FRMPD2: variants seen among roughly 807,000 people sequenced by gnomAD.
FRMPD2 encodes FERM and PDZ domain-containing protein 2.
In FRMPD2, 96 loss-of-function variants were observed where a neutral mutation model predicts 140.1. That is an observed-to-expected ratio of 0.69 (90% CI 0.58 to 0.81). The LOEUF (loss-of-function observed/expected upper bound fraction) is 0.81, where lower values mean the gene tolerates loss of function less well. Among genes scored for constraint, FRMPD2 ranks in the 40% least tolerant of loss-of-function variants. FRMPD2 has a pLI of 0.00. For missense variants in FRMPD2, 1,240 were observed against 1,447.4 expected, an observed-to-expected ratio of 0.86 and a Z score of 2.32; for synonymous variants, 449 against 547.6, an observed-to-expected ratio of 0.82 and a Z score of 2.52.
intron 15 of FRMPD2, among the ~76,000 whole-genome samples, chr10:48,200,197 T>TAAAAA (rs201140091): frequency 3.6e-5 from 5 of 139,628 alleles, no homozygotes; most frequent in South Asian, 2.3e-4. Flanking sequence ...AATAAATAAA[T>TAAAAA]AAAACAGAGC....
intron 1 of FRMPD2, among the ~76,000 whole-genome samples, chr10:48,254,808 G>A (rs1840456325): frequency 6.6e-6 from 1 of 152,184 alleles, no homozygotes; most frequent in Non-Finnish European, 1.5e-5. Flanking sequence ...TACGCTCTTG[G>A]TCTCAGAGGC....
chr10:48,226,583 TA>T (rs1839726427), intron 10 of FRMPD2, among the ~76,000 whole-genome samples: 1 of 152,236 alleles, frequency 6.6e-6, no homozygotes, highest in Non-Finnish European at 1.5e-5. Flanking sequence ...TGTTATTTCT[TA>T]AAGAAGATGA....
intron 9 of FRMPD2, among the ~76,000 whole-genome samples, chr10:48,233,057 T>C (rs912326675): frequency 7.9e-5 from 12 of 152,188 alleles, no homozygotes; most frequent in African/African-American, 2.2e-4. Context: ...AGCCCTTGTC[T>C]GTGGCTCTTC....
chr10:48,245,028 T>C (rs1840212256), intron 3 of FRMPD2, among the ~76,000 whole-genome samples, 179 bp from the exon 4 acceptor site: 2 of 152,152 alleles, frequency 1.3e-5, no homozygotes, highest in Non-Finnish European at 1.5e-5. Flanking sequence ...AGCCAGAAAT[T>C]TGCTTTCTAG....
At chr10:48,159,267 G>C (rs536187792) in intron 28 of FRMPD2, 1 of 454,998 alleles carries the variant, frequency 2.2e-6, no homozygotes, top group Non-Finnish European at 4.4e-6. Flanking sequence ...CAAGTTCAAC[G>C]GACTGCCAGA....
intron 12 of FRMPD2, among the ~76,000 whole-genome samples, chr10:48,214,428 G>T (rs1839398459): frequency 6.6e-6 from 1 of 152,176 alleles, no homozygotes; most frequent in Non-Finnish European, 1.5e-5. Flanking sequence ...TGAGCTCTCA[G>T]TGGTAATGGT....
intron 3 of FRMPD2, among the ~76,000 whole-genome samples, chr10:48,245,891 C>T (rs1224693466): frequency 1.3e-5 from 2 of 152,186 alleles, no homozygotes; most frequent in Non-Finnish European, 2.9e-5. Context: ...TAAAAACACA[C>T]AGTTATTTGA....
At chr10:48,200,982 T>C (rs112193599) in intron 15 of FRMPD2, among the ~76,000 whole-genome samples, 25 of 152,356 alleles carry the variant, frequency 1.6e-4, no homozygotes, top group African/African-American at 5.5e-4. Flanking sequence ...TTTAAGGCTT[T>C]TGATGTATAT....
intron 15 of FRMPD2, among the ~76,000 whole-genome samples, chr10:48,198,608 T>C (rs1052668576): frequency 2.0e-5 from 3 of 152,234 alleles, no homozygotes; most frequent in Admixed American, 2.0e-4. Flanking sequence ...TTTCTAATTC[T>C]GTGAAGAATG....
At chr10:48,158,153 T>C (rs1837835381) in intron 28 of FRMPD2, among the ~76,000 whole-genome samples, 1 of 151,372 alleles carries the variant, frequency 6.6e-6, no homozygotes, top group Non-Finnish European at 1.5e-5. Context: ...GCCATCAGCC[T>C]GAGAGGCAAG....
intron 12 of FRMPD2, among the ~76,000 whole-genome samples, chr10:48,215,990 C>G (rs1462919601): frequency 6.6e-6 from 1 of 152,230 alleles, no homozygotes; most frequent in African/African-American, 2.4e-5. Flanking sequence ...CTCATTCAAT[C>G]TGTTGAAGGA....
intron 16 of FRMPD2, among the ~76,000 whole-genome samples, chr10:48,187,915 C>T (rs1185871704): frequency 1.3e-5 from 2 of 152,212 alleles, no homozygotes; most frequent in Admixed American, 1.3e-4. Flanking sequence ...GAATATGCCT[C>T]ATGCTAGTAA....
intron 13 of FRMPD2, among the ~76,000 whole-genome samples, chr10:48,210,915 C>G (rs1029271326): frequency 4.6e-5 from 7 of 152,260 alleles, no homozygotes; most frequent in Non-Finnish European, 1.0e-4. Flanking sequence ...CCTTTTAAAA[C>G]TGCTCCCCCA....
chr10:48,212,414 C>T (rs1012896218), intron 12 of FRMPD2, among the ~76,000 whole-genome samples: 8 of 152,104 alleles, frequency 5.3e-5, no homozygotes, highest in African/African-American at 1.9e-4. Flanking sequence ...TTGTCATTGC[C>T]ATTGACAAGA....
At chr10:48,247,071 T>C (rs1395068575) in intron 3 of FRMPD2, among the ~76,000 whole-genome samples, 1 of 152,234 alleles carries the variant, frequency 6.6e-6, no homozygotes. Flanking sequence ...CTCATCTTCC[T>C]GGCCAGGACT....
At chr10:48,232,978 T>C (rs958654795) in intron 9 of FRMPD2, among the ~76,000 whole-genome samples, 3 of 152,194 alleles carry the variant, frequency 2.0e-5, no homozygotes, top group African/African-American at 7.2e-5. Flanking sequence ...TGATACCCAC[T>C]GCCCCTAGGG....
intron 3 of FRMPD2, among the ~76,000 whole-genome samples, chr10:48,246,067 A>C (rs1373107797): frequency 1.3e-5 from 2 of 152,322 alleles, no homozygotes; most frequent in East Asian, 3.9e-4. Context: ...ACGTGCATAG[A>C]TACCATGCAA....
At chr10:48,232,851 C>G (rs2131927100) in intron 9 of FRMPD2, among the ~76,000 whole-genome samples, 1 of 152,342 alleles carries the variant, frequency 6.6e-6, no homozygotes, top group East Asian at 1.9e-4. Flanking sequence ...AGTCTGCCTT[C>G]TGCCTCTTCA....
intron 1 of FRMPD2, among the ~76,000 whole-genome samples, chr10:48,259,387 G>A (rs890929218): frequency 6.6e-6 from 1 of 152,118 alleles, no homozygotes; most frequent in Non-Finnish European, 1.5e-5. Flanking sequence ...GGAAGGCTGG[G>A]GTTTTGAGCT....
Sources: gnomAD v4.1 joint callset for allele counts (sites outside exome capture counted in the v4.1 genomes callset) on GRCh38, gnomAD v4.1.1 for gene constraint, MANE v1.5 for transcripts, NCBI Gene and HGNC (gene_info 2026-07-23, HGNC 2026-07-21) for gene names.